JAZF1: variants seen among roughly 807,000 people sequenced by gnomAD.
The protein encoded by JAZF1 is juxtaposed with another zinc finger protein 1.
In JAZF1, 8 loss-of-function variants were observed where a neutral mutation model predicts 26.4. The ratio of observed to expected loss-of-function variants is 0.30; its 90% CI spans 0.18 to 0.55. The LOEUF (loss-of-function observed/expected upper bound fraction) is 0.55. JAZF1 is among the 20% of genes least tolerant of loss of function. The pLI, the probability that JAZF1 is intolerant of heterozygous loss-of-function variation, is 0.94. For synonymous variants in JAZF1, 126 were observed against 122.3 expected (o/e 1.03, Z -0.20); for missense variants, 199 against 322.0 (o/e 0.62, Z 2.92).
intron 2 of JAZF1, among the ~76,000 whole-genome samples, chr7:27,968,150 G>T (rs1266793766): frequency 6.6e-6 from 1 of 152,132 alleles, no homozygotes; most frequent in African/African-American, 2.4e-5. Context: ...TAATATGGAA[G>T]AAACTCAAAA....
intron 2 of JAZF1, among the ~76,000 whole-genome samples, chr7:27,969,313 G>C (rs1785333569): frequency 6.6e-6 from 1 of 152,120 alleles, no homozygotes; most frequent in Non-Finnish European, 1.5e-5. Context: ...TTAGGGGAGA[G>C]AGGACGTTGG....
At chr7:27,966,341 C>T (rs1341783791) in intron 2 of JAZF1, among the ~76,000 whole-genome samples, 1 of 152,298 alleles carries the variant, frequency 6.6e-6, no homozygotes, top group East Asian at 1.9e-4. Flanking sequence ...TGATTTATAG[C>T]ATTTTTATTA....
intron 1 of JAZF1, among the ~76,000 whole-genome samples, chr7:28,135,471 C>G (rs571233344): frequency 6.6e-6 from 1 of 152,358 alleles, no homozygotes; most frequent in Admixed American, 6.5e-5. Flanking sequence ...CACATGCTCA[C>G]AGCCACATGT....
At chr7:28,164,456 T>G (rs944360584) in intron 1 of JAZF1, among the ~76,000 whole-genome samples, 1 of 152,186 alleles carries the variant, frequency 6.6e-6, no homozygotes, top group African/African-American at 2.4e-5. Flanking sequence ...TTCAATTACT[T>G]GAACAAAGAT....
At chr7:27,917,789 T>A (rs1362504879) in intron 2 of JAZF1, among the ~76,000 whole-genome samples, 2 of 152,128 alleles carry the variant, frequency 1.3e-5, no homozygotes, top group Non-Finnish European at 2.9e-5. Context: ...AGCTGGAGAT[T>A]TTCATGCTAT....
At chr7:27,878,279 T>C (rs890737207) in intron 3 of JAZF1, among the ~76,000 whole-genome samples, 2 of 152,314 alleles carry the variant, frequency 1.3e-5, no homozygotes, top group African/African-American at 2.4e-5. Flanking sequence ...TCTACACTTA[T>C]GAAGAGATGA....
intron 2 of JAZF1, among the ~76,000 whole-genome samples, chr7:27,918,749 A>C (rs928781816): frequency 3.3e-5 from 5 of 152,168 alleles, no homozygotes; most frequent in African/African-American, 7.2e-5. Context: ...TTCTCTGAAC[A>C]ATCTGACTAT....
chr7:27,986,661 C>G (rs1014544667), intron 2 of JAZF1, among the ~76,000 whole-genome samples: 1 of 146,486 alleles, frequency 6.8e-6, no homozygotes, highest in Non-Finnish European at 1.5e-5. Context: ...CTCCCTCCCT[C>G]TCCCTCTCTG....
At position 28,036,179 on chromosome 7, in the gene JAZF1, A is replaced by G. The variant is rs565438198; in HGVS notation, c.116-44198T>C. Among the ~76,000 whole-genome samples, 563 of 152,352 alleles carry G rather than the reference A, an allele frequency of 3.7e-3. 3 individuals carry two copies. Among genetic ancestry groups the G allele is most frequent in the Non-Finnish European group, 5.7e-3 (390 of 68,032 alleles). ...AAGTAAATAACACCTTCCCCCAACC[A>G]GTCATTTTAACATGCAGCACTCTGC... On this transcript the variant is annotated intron_variant, in intron 1 of 4. Coordinates refer to ENST00000283928, the MANE Select transcript of JAZF1 (RefSeq NM_175061.4).
At chr7:27,924,932 A>G (rs1371961363) in intron 2 of JAZF1, among the ~76,000 whole-genome samples, 1 of 152,246 alleles carries the variant, frequency 6.6e-6, no homozygotes, top group East Asian at 1.9e-4. Context: ...CTTTACCAAC[A>G]CACAGTGACT....
intron 3 of JAZF1, among the ~76,000 whole-genome samples, chr7:27,870,743 T>C (rs1325030116): frequency 6.6e-6 from 1 of 151,992 alleles, no homozygotes; most frequent in Non-Finnish European, 1.5e-5. Flanking sequence ...GTCAAATAAA[T>C]GGGAAACCAG....
At chr7:28,175,468 C>T (rs1562613105) in intron 1 of JAZF1, among the ~76,000 whole-genome samples, 1 of 152,188 alleles carries the variant, frequency 6.6e-6, no homozygotes, top group Non-Finnish European at 1.5e-5. Flanking sequence ...AAACACTTCA[C>T]ATATATTATC....
Position 28,180,672 on chromosome 7 carries a change from T to TGGGGGAGGGGGAGAGAGGCG in JAZF1, c.-115_-96dup, listed in dbSNP as rs1239066360. On this transcript the variant is annotated 5_prime_UTR_variant, in exon 1 of 5. Coordinates refer to ENST00000283928, the MANE Select transcript of JAZF1 (RefSeq NM_175061.4). ...CGGGTGGGGTGAGGAGAGGAGGGGC[T>TGGGGGAGGGGGAGAGAGGCG]GGGGGAGGGGGAGAGAGGCGGGGTG... 1.5e-4 allele frequency: 14 copies of TGGGGGAGGGGGAGAGAGGCG among 92,264 alleles called. No homozygotes were observed. The highest frequency in any genetic ancestry group is 2.5e-4 in the Non-Finnish European group (12 of 48,746). 5.7% of individuals were successfully genotyped at this position (92,264 alleles called of 1,614,324 possible). A position where few individuals can be genotyped will look rare whatever the true frequency, so the allele number is the denominator to read the frequency against.
chr7:28,174,821 G>GGGGTGTGTGTGTGTGTGTGT (rs758961535), intron 1 of JAZF1, among the ~76,000 whole-genome samples: 3 of 107,690 alleles, frequency 2.8e-5, no homozygotes, highest in East Asian at 2.0e-4. Flanking sequence ...GGGGTGTGTG[G>GGGGTGTGTGTGTGTGTGTGT]GTGTGTGTGT....
chr7:27,946,419 A>G (rs1452949220), intron 2 of JAZF1, among the ~76,000 whole-genome samples: 1 of 152,224 alleles, frequency 6.6e-6, no homozygotes, highest in Non-Finnish European at 1.5e-5. Context: ...CATATTTAGC[A>G]CCAGCTGACA....
At chr7:27,948,757 T>C (rs918308972) in intron 2 of JAZF1, among the ~76,000 whole-genome samples, 1 of 152,186 alleles carries the variant, frequency 6.6e-6, no homozygotes, top group Non-Finnish European at 1.5e-5. Flanking sequence ...GATCATGTTT[T>C]TGGTGATTAA....
chr7:28,039,836 G>A (rs541544683), intron 1 of JAZF1, among the ~76,000 whole-genome samples: 4 of 152,184 alleles, frequency 2.6e-5, no homozygotes, highest in South Asian at 2.1e-4. Context: ...AAATACAGAC[G>A]TGGGGAAAGG....
chr7:27,912,911 C>A (rs1784381955), intron 2 of JAZF1, among the ~76,000 whole-genome samples: 1 of 152,138 alleles, frequency 6.6e-6, no homozygotes, highest in Non-Finnish European at 1.5e-5. Context: ...GTGATGGTGG[C>A]AGATACTGTT....
chr7:27,843,753 C>T (rs780094024), intron 3 of JAZF1: 3 of 152,232 alleles, frequency 2.0e-5, no homozygotes, highest in Non-Finnish European at 2.9e-5. Flanking sequence ...GCAAGTGACG[C>T]CACCTCTCTG....
Sources: gnomAD v4.1 joint callset for allele counts (sites outside exome capture counted in the v4.1 genomes callset) on GRCh38, gnomAD v4.1.1 for gene constraint, MANE v1.5 for transcripts, NCBI Gene and HGNC (gene_info 2026-07-23, HGNC 2026-07-21) for gene names.